The following FAM114A2 variants were observed in gnomAD, a reference collection of about 807,000 sequenced individuals.
FAM114A2 encodes protein FAM114A2.
In FAM114A2, 53 loss-of-function variants were observed where a neutral mutation model predicts 58.4. That is an observed-to-expected ratio of 0.91 (90% CI 0.73 to 1.14). The LOEUF is 1.14. Among genes scored for constraint, FAM114A2 ranks in the 50% most tolerant of loss-of-function variants. The pLI, the probability that FAM114A2 is intolerant of heterozygous loss-of-function variation, is 0.00. For missense variants in FAM114A2, 601 were observed against 581.1 expected (o/e 1.03, Z -0.35); for synonymous variants, 228 against 211.4 (o/e 1.08, Z -0.68).
chr5:154,038,037 T>TA lies in FAM114A2; in HGVS notation c.-15+819dup, dbSNP rs796107501. 8.6e-3 allele frequency among the ~76,000 whole-genome samples: 1,239 copies of TA among 143,322 alleles called. 16 individuals carry two copies. The highest frequency in any genetic ancestry group is 0.026 in the African/African-American group (1,039 of 39,218). The allele number at this position is 143,322 out of a possible 152,430, so 94.0% of individuals were successfully genotyped here. ...CTCATTCATAATCTAGGAGAAAGGT[T>TA]AAAAAAAAAAAAGGAATAAACACCA... On this transcript the variant is annotated intron_variant, in intron 1 of 13. Transcript: ENST00000351797.
chr5:154,020,914 C>T (rs1230084840), intron 8 of FAM114A2, among the ~76,000 whole-genome samples: 14 of 152,084 alleles, frequency 9.2e-5, no homozygotes, highest in South Asian at 6.2e-4. Flanking sequence ...ACTGGCAAAC[C>T]GAATCCAGCA....
intron 11 of FAM114A2, among the ~76,000 whole-genome samples, chr5:154,001,560 C>A (rs1433037972): frequency 6.6e-6 from 1 of 152,182 alleles, no homozygotes; most frequent in East Asian, 1.9e-4. Context: ...AGACTGACAG[C>A]CCCTCCCAGT....
intron 9 of FAM114A2, among the ~76,000 whole-genome samples, chr5:154,003,839 C>T (rs982537427): frequency 4.6e-5 from 7 of 152,212 alleles, no homozygotes; most frequent in African/African-American, 1.7e-4. Context: ...TTCATATTAA[C>T]TGCTGTGTAG....
At chr5:154,011,434 A>G (rs1464655355) in intron 8 of FAM114A2, 114 bp from the exon 9 acceptor site, 2 of 666,570 alleles carry the variant, frequency 3.0e-6, no homozygotes, top group Non-Finnish European at 5.4e-6. Flanking sequence ...AGTAGTAATA[A>G]CAATAGTAGC....
rs561638008 is a variant in FAM114A2 at position 153,993,005 on chromosome 5, G to A, written c.1489C>T (p.Gln497Ter). The A allele has an allele frequency of 1.2e-6, 2 of 1,611,636 alleles. No individual in the cohort carries two copies. The highest frequency in any genetic ancestry group is 1.7e-6 in the Non-Finnish European group (2 of 1,178,532). The change falls in exon 14 of 14, where the codon CAG becomes TAG. Residue 497 changes from glutamine (Q) to a stop codon, truncating the protein, a stop_gained. Transcript: ENST00000351797. LOFTEE classifies it high-confidence loss of function. Reference protein sequence around the residue: ...NKIESHRHELQGQKPLLEH With the variant: ...NKIESHRHEL The stretch of plus-strand genomic sequence containing the variant: ...TGTTCTAACAAAGGTTTCTGGCCCT[G>A]CAGCTCATGTCTGTGTGATTCAATC...
intron 9 of FAM114A2, 98 bp from the exon 10 acceptor site, chr5:154,003,067 TC>T: frequency 9.3e-7 from 1 of 1,078,808 alleles, no homozygotes; most frequent in South Asian, 1.4e-5. Flanking sequence ...AAGTAAGGGC[TC>T]CTGTTCTTAC....
At chr5:154,031,865 T>G (rs541451387) in intron 4 of FAM114A2, among the ~76,000 whole-genome samples, 41 of 152,288 alleles carry the variant, frequency 2.7e-4, no homozygotes, top group African/African-American at 9.4e-4. Flanking sequence ...GACCCCAAAT[T>G]TACTATGCCA....
In FAM114A2 at chr5:154,028,360, T is replaced by C. The variant is rs1771949147; in HGVS notation, c.496-77A>G. 5 of 1,012,948 alleles carry C rather than the reference T, an allele frequency of 4.9e-6. No homozygotes were observed. The Admixed American group carries it at 7.8e-5, about 16-fold the overall frequency. The allele number at this position is 1,012,948 out of a possible 1,614,324, so 62.7% of individuals were successfully genotyped here. A position where few individuals can be genotyped will look rare whatever the true frequency, so the allele number is the denominator to read the frequency against. Reference sequence around the variant, plus strand: ...ATGCATTTTTATTATGTATTTATTATATAAAAATAGTGGCTAACAATACCA... The same window carrying C: ...ATGCATTTTTATTATGTATTTATTACATAAAAATAGTGGCTAACAATACCA... On this transcript the variant is annotated intron_variant, in intron 5 of 13. Transcript: ENST00000351797.
chr5:154,029,232 G>A (rs1033402399), intron 5 of FAM114A2, among the ~76,000 whole-genome samples: 32 of 152,054 alleles, frequency 2.1e-4, no homozygotes, highest in African/African-American at 4.3e-4. Context: ...AAAATAATAC[G>A]TATATTGCCT....
intron 8 of FAM114A2, among the ~76,000 whole-genome samples, chr5:154,026,003 A>C (rs1052604391): frequency 4.6e-5 from 7 of 152,362 alleles, no homozygotes; most frequent in Middle Eastern, 3.4e-3. Context: ...AGACAGAATC[A>C]GGGGTTACAA....
intron 1 of FAM114A2, chr5:154,036,885 C>T (rs1236950176): frequency 6.6e-6 from 1 of 152,174 alleles, no homozygotes; most frequent in Non-Finnish European, 1.5e-5. Context: ...CAACTTCTAA[C>T]TTGTAAAATT....
At chr5:154,012,076 C>T (rs375435412) in intron 8 of FAM114A2, among the ~76,000 whole-genome samples, 156 of 150,450 alleles carry the variant, frequency 1.0e-3, no homozygotes, top group African/African-American at 3.4e-3. Context: ...GATTAGAAGG[C>T]GGAAAAGAAG....
chr5:153,997,918 A>T (rs1333650377), intron 11 of FAM114A2, 43 bp from the exon 12 acceptor site: 5 of 1,195,024 alleles, frequency 4.2e-6, no homozygotes, highest in Non-Finnish European at 6.1e-6. Flanking sequence ...TTCTTTTTTT[A>T]AAAAAATAAG....
rs1246362728 is a variant in FAM114A2, at chr5:153,997,799, T to C, written c.1329+4A>G. The stretch of plus-strand genomic sequence containing the variant: ...TTATTGCAGTAAGAGGCATGGATTC[T>C]TACCCCAGCAGTTGTTAGGCAGGTA... On this transcript the variant is annotated splice_donor_region_variant and intron_variant, in intron 12 of 13. Coordinates refer to ENST00000351797, the MANE Select transcript of FAM114A2 (RefSeq NM_018691.4). 1.9e-6 allele frequency: 3 copies of C among 1,539,134 alleles called. No individual in the cohort carries two copies. Among genetic ancestry groups the C allele is most frequent in the Admixed American group, 3.4e-5 (2 of 59,656 alleles).
At chr5:154,017,933 A>T (rs1771148943) in intron 8 of FAM114A2, among the ~76,000 whole-genome samples, 1 of 152,156 alleles carries the variant, frequency 6.6e-6, no homozygotes, top group Non-Finnish European at 1.5e-5. Flanking sequence ...GAGGAAAGTT[A>T]AATAGGCCGA....
At chr5:153,994,259 T>C (rs1379197014) in intron 13 of FAM114A2, among the ~76,000 whole-genome samples, 2 of 152,180 alleles carry the variant, frequency 1.3e-5, no homozygotes, top group Non-Finnish European at 2.9e-5. Context: ...AACTATCAAA[T>C]ATATTTTCTC....
chr5:154,009,269 G>A (rs1028082315), intron 9 of FAM114A2, among the ~76,000 whole-genome samples: 1 of 152,110 alleles, frequency 6.6e-6, no homozygotes, highest in African/African-American at 2.4e-5. Flanking sequence ...AATGATGGAG[G>A]CATGCCACCT....
Position 153,990,456 on chromosome 5 carries a change from C to CA in FAM114A2, c.*2519dup, listed in dbSNP as rs1486510488. 3 of 147,570 alleles carry CA rather than the reference C, an allele frequency of 2.0e-5. No homozygotes were observed. The highest frequency in any genetic ancestry group is 7.5e-5 in the African/African-American group (3 of 39,852). The allele number at this position is 147,570 out of a possible 1,614,324, so 9.1% of individuals were successfully genotyped here. On this transcript the variant is annotated 3_prime_UTR_variant, in exon 14 of 14. Coordinates refer to ENST00000351797, the MANE Select transcript of FAM114A2 (RefSeq NM_018691.4). ...ATAGTAATGCCATCTATAAAAATTA[C>CA]AATTTCACATTTCAGAGGCCTGCCA...
chr5:154,012,607 C>T (rs1770770972), intron 8 of FAM114A2, among the ~76,000 whole-genome samples: 1 of 152,310 alleles, frequency 6.6e-6, no homozygotes, highest in African/African-American at 2.4e-5. Context: ...CTTCTCTCTC[C>T]ATCCACTATC....
Sources: allele counts gnomAD v4.1 joint callset (sites outside exome capture counted in the v4.1 genomes callset), GRCh38; gene constraint gnomAD v4.1.1; transcripts MANE v1.5; gene names NCBI Gene and HGNC (gene_info 2026-07-23, HGNC 2026-07-21).